Variants in MICAL2 observed in about 807,000 individuals in gnomAD.
MICAL2 encodes microtubule associated monooxygenase, calponin and LIM domain containing 2.
A neutral mutation model predicts 127.3 loss-of-function variants in MICAL2; 77 were observed. The ratio of observed to expected loss-of-function variants is 0.60; its 90% CI spans 0.50 to 0.73. The LOEUF (loss-of-function observed/expected upper bound fraction) is 0.73, where lower values mean the gene tolerates loss of function less well. Among genes scored for constraint, MICAL2 ranks in the 30% least tolerant of loss-of-function variants. The pLI is 0.00. For synonymous variants in MICAL2, 570 were observed against 551.1 expected, an observed-to-expected ratio of 1.03 and a Z score of -0.48; for missense variants, 1,351 against 1,434.4, an observed-to-expected ratio of 0.94 and a Z score of 0.94.
At chr11:12,208,498 G>T (rs969256872) in intron 5 of MICAL2, 3 of 210,578 alleles carry the variant, frequency 1.4e-5, no homozygotes, top group Non-Finnish European at 2.9e-5. Context: ...TTAACACATA[G>T]ATGTGGTTGT....
chr11:12,257,393 A>G (rs1862472866), intron 24 of MICAL2, among the ~76,000 whole-genome samples: 2 of 152,240 alleles, frequency 1.3e-5, no homozygotes, highest in Non-Finnish European at 2.9e-5. Flanking sequence ...TGTGTTTTTA[A>G]AATAACCATC....
chr11:12,115,981 T>TC (rs1849984675), intron 1 of MICAL2, among the ~76,000 whole-genome samples: 2 of 149,748 alleles, frequency 1.3e-5, no homozygotes, highest in South Asian at 2.1e-4. Flanking sequence ...TCCCTTTCTT[T>TC]TTTTTTTTTT....
intron 3 of MICAL2, among the ~76,000 whole-genome samples, chr11:12,171,090 T>C (rs1028222077): frequency 6.6e-6 from 1 of 152,230 alleles, no homozygotes; most frequent in African/African-American, 2.4e-5. Flanking sequence ...CGAGCATTCC[T>C]TCCCTGCAGG....
chr11:12,156,885 T>C (rs757282048), intron 2 of MICAL2, among the ~76,000 whole-genome samples: 9 of 152,234 alleles, frequency 5.9e-5, no homozygotes, highest in Non-Finnish European at 1.3e-4. Context: ...ACCCTGCGAG[T>C]GTGGGGGGAA....
At chr11:12,114,694 G>A (rs544328031) in intron 1 of MICAL2, among the ~76,000 whole-genome samples, 16 of 152,262 alleles carry the variant, frequency 1.1e-4, no homozygotes, top group East Asian at 9.6e-4. Flanking sequence ...ACCCAGTCAC[G>A]GATTTGTGTG....
At chr11:12,216,450 C>T in intron 8 of MICAL2, 131 bp downstream of exon 8, 1 of 682,202 alleles carries the variant, frequency 1.5e-6, no homozygotes, top group Non-Finnish European at 2.6e-6. Flanking sequence ...CCAGCTTACA[C>T]CCTTCTTTTT....
intron 24 of MICAL2, among the ~76,000 whole-genome samples, chr11:12,257,545 C>T (rs991445690): frequency 6.6e-6 from 1 of 152,194 alleles, no homozygotes; most frequent in Non-Finnish European, 1.5e-5. Flanking sequence ...TAGCATGGTG[C>T]TCAATACACA....
downstream of MICAL2, among the ~76,000 whole-genome samples, chr11:12,264,085 G>T (rs1185268160): frequency 6.6e-6 from 1 of 152,160 alleles, no homozygotes; most frequent in South Asian, 2.1e-4. Context: ...GCGATTAGAA[G>T]CAGACTGTAT....
intron 14 of MICAL2, 69 bp downstream of exon 14, chr11:12,226,439 GC>G: frequency 1.3e-6 from 2 of 1,498,192 alleles, no homozygotes; most frequent in Non-Finnish European, 9.2e-7. Context: ...GAGTCTGGCT[GC>G]TCCTAACACT....
intron 3 of MICAL2, among the ~76,000 whole-genome samples, chr11:12,177,074 A>T (rs1856922756): frequency 6.6e-6 from 1 of 152,188 alleles, no homozygotes; most frequent in African/African-American, 2.4e-5. Context: ...TTTTTTGAGG[A>T]ACTGTCCTAT....
At chr11:12,262,607 C>T (rs1863282104) in intron 27 of MICAL2, 70 bp downstream of exon 27, 1 of 1,295,488 alleles carries the variant, frequency 7.7e-7, no homozygotes. Context: ...ACCCCGTCCT[C>T]TCCGCCAGCA....
intron 22 of MICAL2, among the ~76,000 whole-genome samples, chr11:12,251,680 G>A (rs994869577): frequency 2.6e-5 from 4 of 151,742 alleles, no homozygotes; most frequent in Non-Finnish European, 5.9e-5. Flanking sequence ...TGAAAGGTGG[G>A]ACCAGGTGTG....
chr11:12,292,754 G>A (rs1435740618), downstream of MICAL2, among the ~76,000 whole-genome samples: 1 of 152,178 alleles, frequency 6.6e-6, no homozygotes, highest in East Asian at 1.9e-4. Context: ...CTTTCCTTCT[G>A]TATGTATTTA....
chr11:12,355,932 C>T (rs986383646), intron 34 of MICAL2, among the ~76,000 whole-genome samples: 16 of 147,076 alleles, frequency 1.1e-4, no homozygotes, highest in South Asian at 2.2e-4. Context: ...GGTCCATCCA[C>T]GACAAGCCTA....
chr11:12,200,327 G>A (rs1565148578), intron 3 of MICAL2, among the ~76,000 whole-genome samples: 1 of 152,222 alleles, frequency 6.6e-6, no homozygotes, highest in Non-Finnish European at 1.5e-5. Flanking sequence ...AGCTGGGTCT[G>A]AGGAAAGAGC....
chr11:12,168,017 C>G (rs1306648380), intron 3 of MICAL2, among the ~76,000 whole-genome samples: 1 of 151,972 alleles, frequency 6.6e-6, no homozygotes, highest in Non-Finnish European at 1.5e-5. Flanking sequence ...TATGAAAAAA[C>G]TAGGCCAGGT....
intron 1 of MICAL2, chr11:12,276,707 A>G (rs1353401981): frequency 6.6e-6 from 1 of 152,234 alleles, no homozygotes; most frequent in Non-Finnish European, 1.5e-5. Flanking sequence ...CACTGAATTC[A>G]CTCAAGAGGT....
At chr11:12,300,165 G>T (rs944073911) in intron 29 of MICAL2, among the ~76,000 whole-genome samples, 2 of 152,078 alleles carry the variant, frequency 1.3e-5, no homozygotes, top group African/African-American at 4.8e-5. Flanking sequence ...CATGGTGGCA[G>T]GTGCTGTAAT....
intron 1 of MICAL2, among the ~76,000 whole-genome samples, chr11:12,136,806 C>T (rs1851875738): frequency 6.6e-6 from 1 of 152,142 alleles, no homozygotes; most frequent in Admixed American, 6.5e-5. Context: ...CCCTTGTAGC[C>T]TGGTCCAGTC....
Sources: allele counts gnomAD v4.1 joint callset (sites outside exome capture counted in the v4.1 genomes callset), GRCh38; gene constraint gnomAD v4.1.1; transcripts MANE v1.5; gene names NCBI Gene and HGNC (gene_info 2026-07-23, HGNC 2026-07-21).